SMIM24: variants seen among roughly 807,000 people sequenced by gnomAD.
SMIM24 encodes MAP17-related dimer.
In SMIM24, 6 loss-of-function variants were observed where a neutral mutation model predicts 10.8. The observed-to-expected ratio is 0.55, with a 90% CI of 0.30 to 1.09. The LOEUF (loss-of-function observed/expected upper bound fraction) is 1.09. Among genes scored for constraint, SMIM24 ranks in the 50% least tolerant of loss-of-function variants. The pLI, the probability that SMIM24 is intolerant of heterozygous loss-of-function variation, is 0.06. For synonymous variants in SMIM24, 71 were observed against 62.4 expected (o/e 1.14, Z -0.65); for missense variants, 151 against 153.4 (o/e 0.98, Z 0.08).
intron 3 of SMIM24, among the ~76,000 whole-genome samples, chr19:3,478,001 C>T (rs1401408695): frequency 6.6e-6 from 1 of 152,064 alleles, no homozygotes; most frequent in Non-Finnish European, 1.5e-5. Context: ...CTTGTACAGA[C>T]ACCTACACAA....
chr19:3,474,862 G>A lies in SMIM24; in HGVS notation c.374C>T (p.Ala125Val). ...GAATCTTCACATGACTGTGCTCTTT[G>A]CTCTCTCATGGTCTCCGGGCTCTTT... ...EEKEPGDHER[A>V]KSTVM is the part of the protein sequence containing the mutation. The change falls in exon 4 of 4, where the codon GCA becomes GTA. Residue 125 changes from alanine (A) to valine (V), a missense_variant. Coordinates refer to ENST00000215531, the MANE Select transcript of SMIM24 (RefSeq NM_001136503.2). The A allele has an allele frequency of 6.4e-7, 1 of 1,551,456 alleles. No homozygotes were observed. Among genetic ancestry groups the A allele is most frequent in the Non-Finnish European group, 8.7e-7 (1 of 1,146,934 alleles).
At chr19:3,480,361 A>AAAC in intron 1 of SMIM24, 36 bp downstream of exon 1, 5 of 1,285,488 alleles carry the variant, frequency 3.9e-6, no homozygotes, top group Non-Finnish European at 5.3e-6. Context: ...CAACTCCCCT[A>AAAC]TCCCGCGACG....
In SMIM24 at chr19:3,478,489, A is replaced by G. The variant is rs2082802727; in HGVS notation, c.180-11T>C. 2 of 1,544,778 alleles carry G rather than the reference A, an allele frequency of 1.3e-6. No homozygotes were observed. Among genetic ancestry groups the G allele is most frequent in the African/African-American group, 2.8e-5 (2 of 72,668 alleles). On this transcript the variant is annotated splice_polypyrimidine_tract_variant and intron_variant, in intron 2 of 3. Transcript: ENST00000215531. ...TCCTCGTCCTCAGCCCTGCAGAGAT[A>G]AAGGGAAAGGTGGAAGGGGGCGGGA...
rs1262037455 is a variant in SMIM24 at position 3,474,930 on chromosome 19, T to C, written c.306A>G (p.Thr102=). 2 of 1,551,762 alleles carry C rather than the reference T, an allele frequency of 1.3e-6. No individual in the cohort carries two copies. Among genetic ancestry groups the C allele is most frequent in the Non-Finnish European group, 1.7e-6 (2 of 1,147,006 alleles). The part of the protein sequence containing the change: ...KEEKRKKEKK[T]AKEGESNLGL... Reference sequence around the variant, plus strand: ...CCAAGTTGCTCTCTCCTTCCTTTGCTGTCTTTTTCTCCTTCTTCCTCTTCT... The same window carrying C: ...CCAAGTTGCTCTCTCCTTCCTTTGCCGTCTTTTTCTCCTTCTTCCTCTTCT... Residue 102 remains threonine, a synonymous_variant, in exon 4 of 4, where the codon ACA becomes ACG. Transcript: ENST00000215531.
chr19:3,478,377 G>A, intron 3 of SMIM24, 42 bp downstream of exon 3: 6 of 1,514,656 alleles, frequency 4.0e-6, no homozygotes, highest in Non-Finnish European at 5.4e-6. Context: ...CCCACCCCGA[G>A]GAGGGGTTCA....
At chr19:3,477,776 G>T (rs576353944) in intron 3 of SMIM24, among the ~76,000 whole-genome samples, 6 of 144,744 alleles carry the variant, frequency 4.1e-5, no homozygotes, top group South Asian at 4.6e-4. Context: ...TGGGTGAATG[G>T]GTGAGTGGGT....
In SMIM24 at chr19:3,478,462, C is replaced by A. The variant is rs762503020; in HGVS notation, c.196G>T (p.Glu66Ter). Residue 66 changes from glutamate (E) to a stop codon, truncating the protein, a stop_gained, in exon 3 of 4, where the codon GAG becomes TAG. Coordinates refer to ENST00000215531, the MANE Select transcript of SMIM24 (RefSeq NM_001136503.2). LOFTEE classifies it low-confidence loss of function (END_TRUNC). Reference protein sequence around the residue: ...CSKARAEDEEETTFRMESNLY... With the variant: ...CSKARAEDEE The stretch of plus-strand genomic sequence containing the variant: ...TTGGACTCCATTCTGAACGTGGTCT[C>A]CTCCTCGTCCTCAGCCCTGCAGAGA... 2 of 1,549,126 alleles carry A rather than the reference C, an allele frequency of 1.3e-6. No homozygotes were observed. The highest frequency in any genetic ancestry group is 2.4e-5 in the South Asian group (2 of 83,936).
intron 1 of SMIM24, among the ~76,000 whole-genome samples, chr19:3,480,003 G>T (rs907151529): frequency 6.7e-6 from 1 of 149,498 alleles, no homozygotes; most frequent in Admixed American, 6.7e-5. Flanking sequence ...GGGGCTTACA[G>T]AGGAGGAGGG....
At chr19:3,477,090 T>TGGATG (rs2082795396) in intron 3 of SMIM24, among the ~76,000 whole-genome samples, 3 of 95,892 alleles carry the variant, frequency 3.1e-5, no homozygotes, top group East Asian at 4.7e-4. Context: ...AATAGATGGG[T>TGGATG]GATGGATGGA....
chr19:3,477,908 A>G (rs1386651763), intron 3 of SMIM24, among the ~76,000 whole-genome samples: 1 of 151,894 alleles, frequency 6.6e-6, no homozygotes. Context: ...TGCATCCCTG[A>G]GTCCTCTGTG....
At chr19:3,476,353 C>T (rs752502196) in intron 3 of SMIM24, among the ~76,000 whole-genome samples, 35 of 150,900 alleles carry the variant, frequency 2.3e-4, no homozygotes, top group Admixed American at 4.6e-4. Flanking sequence ...TGGGTGGGTG[C>T]GTGTATCAGT....
intron 3 of SMIM24, among the ~76,000 whole-genome samples, chr19:3,476,764 G>A (rs1568215207): frequency 6.6e-6 from 1 of 151,982 alleles, no homozygotes; most frequent in Non-Finnish European, 1.5e-5. Flanking sequence ...ATGGATGGAT[G>A]GAAGGATGGA....
At position 3,474,836 on chromosome 19, in the gene SMIM24, G is replaced by T; in HGVS notation, c.*7C>A. The stretch of plus-strand genomic sequence containing the variant: ...GGGGACTGCCTGGAAGAGGCAGCCA[G>T]GAATCTTCACATGACTGTGCTCTTT... On this transcript the variant is annotated 3_prime_UTR_variant, in exon 4 of 4. Coordinates refer to ENST00000215531, the MANE Select transcript of SMIM24 (RefSeq NM_001136503.2). The T allele has an allele frequency of 1.3e-6, 2 of 1,550,282 alleles. 1 individual carries two copies. The highest frequency in any genetic ancestry group is 4.9e-5 in the East Asian group (2 of 40,920).
chr19:3,479,041 G>T (rs539511462), intron 1 of SMIM24, 112 bp from the exon 2 acceptor site: 4 of 831,006 alleles, frequency 4.8e-6, no homozygotes, highest in Non-Finnish European at 5.7e-6. Context: ...TCCGACAGAG[G>T]GGGTATTGGA....
At chr19:3,478,502 GAAGGGGGCGGGAGAGGAGA>G in intron 2 of SMIM24, 24 bp from the exon 3 acceptor site, 1 of 1,540,696 alleles carries the variant, frequency 6.5e-7, no homozygotes, top group Non-Finnish European at 8.8e-7. Flanking sequence ...GGGAAAGGTG[GAAGGGGGCGGGAGAGGAGA>G]AAGGGGGCGG....
chr19:3,479,163 G>T, intron 1 of SMIM24: 2 of 442,862 alleles, frequency 4.5e-6, no homozygotes, highest in Non-Finnish European at 4.0e-6. Context: ...AGAGGGGAGG[G>T]GCTTATAAAA....
chr19:3,475,054 G>T (rs1439067536), intron 3 of SMIM24, 58 bp from the exon 4 acceptor site: 11 of 1,524,016 alleles, frequency 7.2e-6, no homozygotes, highest in Non-Finnish European at 9.7e-6. Context: ...CCTATTTAAT[G>T]GCCACTCACT....
Position 3,474,807 on chromosome 19 carries a change from T to C in SMIM24, c.*36A>G. 6.5e-7 allele frequency: 1 copy of C among 1,544,640 alleles called. No individual in the cohort carries two copies. Among genetic ancestry groups the C allele is most frequent in the Non-Finnish European group, 8.7e-7 (1 of 1,144,668 alleles). ...GCTTTTAGGGGGCAGAAGAGGCATC[T>C]CTGGGGGACTGCCTGGAAGAGGCAG... On this transcript the variant is annotated 3_prime_UTR_variant, in exon 4 of 4. Transcript: ENST00000215531.
rs1250402379 is a variant in SMIM24 at position 3,476,805 on chromosome 19, G to T, written c.239+1614C>A. Among the ~76,000 whole-genome samples the T allele has an allele frequency of 4.0e-5, 6 of 149,116 alleles. No individual in the cohort carries two copies. In the East Asian group the frequency reaches 1.3e-3, roughly 32 times the overall value. On this transcript the variant is annotated intron_variant, in intron 3 of 3. Transcript: ENST00000215531. ...GGATAAATGGGTAGGTGGATGGATG[G>T]CTGTGTGGGTGGATGAATGAGTGAA...
Sources: gnomAD v4.1 joint callset for allele counts (sites outside exome capture counted in the v4.1 genomes callset) on GRCh38, gnomAD v4.1.1 for gene constraint, MANE v1.5 for transcripts, NCBI Gene and HGNC (gene_info 2026-07-23, HGNC 2026-07-21) for gene names.